KCNQ1: variants seen among roughly 807,000 people sequenced by gnomAD.
The protein encoded by KCNQ1 is potassium voltage-gated channel subfamily KQT member 1.
In KCNQ1, 49 loss-of-function variants were observed where a neutral mutation model predicts 72.4. That is an observed-to-expected ratio of 0.68 (90% CI 0.54 to 0.86). The LOEUF is 0.86. Ranked by LOEUF, KCNQ1 falls within the 40% of genes least tolerant of loss-of-function variation. The pLI is 0.00. For synonymous variants in KCNQ1, 450 were observed against 412.6 expected, an observed-to-expected ratio of 1.09 and a Z score of -1.10; for missense variants, 790 against 945.1, an observed-to-expected ratio of 0.84 and a Z score of 2.15.
chr11:2,661,315 G>C lies in KCNQ1; in HGVS notation c.1394-646G>C. ...TGATAGTGTCAACAGAGAGTGGGGA[G>C]TGATAAGGATCAGTATCCTGAGCTC... On this transcript the variant is annotated intron_variant, in intron 10 of 15. Coordinates refer to ENST00000155840, the MANE Select transcript of KCNQ1 (RefSeq NM_000218.3). This position sits in a 1 kb window ranked among gnomAD's most constrained non-coding sequence, Gnocchi z 5.9. 1 of 401,630 alleles carries C rather than the reference G, an allele frequency of 2.5e-6. No individual in the cohort carries two copies. The highest frequency in any genetic ancestry group is 4.4e-6 in the Non-Finnish European group (1 of 227,808). 24.9% of individuals were successfully genotyped at this position (401,630 alleles called of 1,614,324 possible).
chr11:2,684,641 G>A (rs1850453401), intron 11 of KCNQ1: 3 of 398,526 alleles, frequency 7.5e-6, no homozygotes, highest in Admixed American at 8.8e-5. Flanking sequence ...CTTGAAGAAG[G>A]AACAGGAAAG....
intron 15 of KCNQ1, among the ~76,000 whole-genome samples, chr11:2,823,719 G>A (rs1287566436): frequency 6.6e-6 from 1 of 152,246 alleles, no homozygotes; most frequent in Non-Finnish European, 1.5e-5. Flanking sequence ...GGGAGGTGTT[G>A]TTAGAGAAGA....
At chr11:2,756,135 AT>A (rs1330681184) in intron 11 of KCNQ1, among the ~76,000 whole-genome samples, 2 of 152,212 alleles carry the variant, frequency 1.3e-5, no homozygotes, top group Non-Finnish European at 2.9e-5. Flanking sequence ...AAGGTGGTGA[AT>A]TCACATACCT....
rs535770004 is a variant in KCNQ1 at position 2,565,721 on chromosome 11, C to T, written c.478-4907C>T. Reference sequence around the variant, plus strand: ...AAGCATACAGTCGAACGAGTGGGTCCGATGTGGAGTGCAGTGGCATCAGCC... The same window carrying T: ...AAGCATACAGTCGAACGAGTGGGTCTGATGTGGAGTGCAGTGGCATCAGCC... On this transcript the variant is annotated intron_variant, in intron 2 of 15. Coordinates refer to ENST00000155840, the MANE Select transcript of KCNQ1 (RefSeq NM_000218.3). The surrounding 1 kb of genome is among the most constrained non-coding windows in gnomAD (Gnocchi z 5.6). 1.9e-4 allele frequency among the ~76,000 whole-genome samples: 29 copies of T among 152,288 alleles called. No homozygotes were observed. The South Asian group carries it at 4.2e-3, about 22-fold the overall frequency.
rs573385961 is a variant in KCNQ1, at chr11:2,516,844, A to C, written c.387-11084A>C. Among the ~76,000 whole-genome samples, 1 of 152,142 alleles carries C rather than the reference A, an allele frequency of 6.6e-6. No individual in the cohort carries two copies. Among genetic ancestry groups the C allele is most frequent in the African/African-American group, 2.4e-5 (1 of 41,510 alleles). ...CTGGGCTCTTCTGGTGGGGAGGGAC[A>C]TTGTTCTGGCCCCTCCTGATCTCTC... On this transcript the variant is annotated intron_variant, in intron 1 of 15. Transcript: ENST00000155840. This position sits in a 1 kb window ranked among gnomAD's most constrained non-coding sequence, Gnocchi z 7.0.
At chr11:2,519,942 A>G (rs72847656) in intron 1 of KCNQ1, among the ~76,000 whole-genome samples, 8,707 of 152,264 alleles carry the variant, frequency 0.057, 332 homozygotes, top group Non-Finnish European at 0.083. Context: ...AGATTCAACA[A>G]AGGAGGATCC....
chr11:2,615,690 A>G lies in KCNQ1; in HGVS notation c.1393+26836A>G, dbSNP rs947664798. On this transcript the variant is annotated intron_variant, in intron 10 of 15. Transcript: ENST00000155840. ...TTAATGTGGTGTATTACATTGATTG[A>G]TACTCTTGTACTGAACCACCCTTGT... 37 of 398,064 alleles carry G rather than the reference A, an allele frequency of 9.3e-5. No homozygotes were observed. In the East Asian group the frequency reaches 1.3e-3, roughly 13 times the overall value. 24.7% of individuals were successfully genotyped at this position (398,064 alleles called of 1,614,324 possible).
chr11:2,721,317 G>A (rs1204306116), intron 11 of KCNQ1, among the ~76,000 whole-genome samples: 3 of 152,180 alleles, frequency 2.0e-5, no homozygotes, highest in Non-Finnish European at 4.4e-5. Context: ...GCTCGTGAGG[G>A]ACCCCCGGGC....
Position 2,475,998 on chromosome 11 carries a change from A to C in KCNQ1, c.386+30514A>C, listed in dbSNP as rs1396893714. Among the ~76,000 whole-genome samples the C allele has an allele frequency of 1.3e-5, 2 of 152,268 alleles. No individual in the cohort carries two copies. The highest frequency in any genetic ancestry group is 2.4e-5 in the African/African-American group (1 of 41,478). ...TTATCAGCAGTGTGAAAACGGACTA[A>C]TACTGACAATAAATTAAAAACTATT... On this transcript the variant is annotated intron_variant, in intron 1 of 15. Transcript: ENST00000155840. This position sits in a 1 kb window ranked among gnomAD's most constrained non-coding sequence, Gnocchi z 5.8.
chr11:2,724,599 C>T lies in KCNQ1; in HGVS notation c.1515-44245C>T, dbSNP rs1845725638. On this transcript the variant is annotated intron_variant, in intron 11 of 15. Coordinates refer to ENST00000155840, the MANE Select transcript of KCNQ1 (RefSeq NM_000218.3). This position sits in a 1 kb window ranked among gnomAD's most constrained non-coding sequence, Gnocchi z 6.8. ...CTAGGAACCCCTTCCCGCGGAAACA[C>T]AGCTTCTCCCCTTGGGTGCCATTGC... 6.6e-6 allele frequency among the ~76,000 whole-genome samples: 1 copy of T among 152,208 alleles called. No individual in the cohort carries two copies. Among genetic ancestry groups the T allele is most frequent in the Non-Finnish European group, 1.5e-5 (1 of 68,030 alleles).
rs913651211 is a variant in KCNQ1 at position 2,541,496 on chromosome 11, G to T, written c.477+13478G>T. On this transcript the variant is annotated intron_variant, in intron 2 of 15. Coordinates refer to ENST00000155840, the MANE Select transcript of KCNQ1 (RefSeq NM_000218.3). This position sits in a 1 kb window ranked among gnomAD's most constrained non-coding sequence, Gnocchi z 4.8. The stretch of plus-strand genomic sequence containing the variant: ...GGACTGAGCTGGGCCCTTTTCGTTG[G>T]TTAGTTCTCAGTGTGGCCTACCCAG... Among the ~76,000 whole-genome samples, 1 of 152,032 alleles carries T rather than the reference G, an allele frequency of 6.6e-6. No homozygotes were observed. Among genetic ancestry groups the T allele is most frequent in the Non-Finnish European group, 1.5e-5 (1 of 68,010 alleles).
In KCNQ1 at chr11:2,745,230, T is replaced by C. The variant is rs1846118715; in HGVS notation, c.1515-23614T>C. 6.6e-6 allele frequency among the ~76,000 whole-genome samples: 1 copy of C among 152,194 alleles called. No homozygotes were observed. Among genetic ancestry groups the C allele is most frequent in the Non-Finnish European group, 1.5e-5 (1 of 68,040 alleles). On this transcript the variant is annotated intron_variant, in intron 11 of 15. Coordinates refer to ENST00000155840, the MANE Select transcript of KCNQ1 (RefSeq NM_000218.3). This position sits in a 1 kb window ranked among gnomAD's most constrained non-coding sequence, Gnocchi z 6.2. Reference sequence around the variant, plus strand: ...ATTGCCTCGAATTTGCAGGTTAAATTTGGGAAAAACTGGAGTCTCTCTCAT... The same window carrying C: ...ATTGCCTCGAATTTGCAGGTTAAATCTGGGAAAAACTGGAGTCTCTCTCAT...
Position 2,621,681 on chromosome 11 carries a change from T to C in KCNQ1, c.1393+32827T>C, listed in dbSNP as rs1849174950. 2.5e-6 allele frequency: 1 copy of C among 398,408 alleles called. No homozygotes were observed. Among genetic ancestry groups the C allele is most frequent in the Admixed American group, 4.4e-5 (1 of 22,716 alleles). The allele number at this position is 398,408 out of a possible 1,614,324, so 24.7% of individuals were successfully genotyped here. On this transcript the variant is annotated intron_variant, in intron 10 of 15. Coordinates refer to ENST00000155840, the MANE Select transcript of KCNQ1 (RefSeq NM_000218.3). This position sits in a 1 kb window ranked among gnomAD's most constrained non-coding sequence, Gnocchi z 5.7. ...CAATTTGTTGGGATATAATTGTTCATAAAAGTCCCTTATGATCCTTTTTAT... is the reference window on the plus strand; with the variant it reads ...CAATTTGTTGGGATATAATTGTTCACAAAAGTCCCTTATGATCCTTTTTAT...
At position 2,785,727 on chromosome 11, in the gene KCNQ1, T is replaced by C. The variant is rs1429672594; in HGVS notation, c.1794+7690T>C. Among the ~76,000 whole-genome samples the C allele has an allele frequency of 6.6e-6, 1 of 152,010 alleles. No individual in the cohort carries two copies. Among genetic ancestry groups the C allele is most frequent in the Non-Finnish European group, 1.5e-5 (1 of 67,866 alleles). On this transcript the variant is annotated intron_variant, in intron 15 of 15. Transcript: ENST00000155840. This position sits in a 1 kb window ranked among gnomAD's most constrained non-coding sequence, Gnocchi z 4.4. ...ATCTGTAATATTTATTTTTCTCCTC[T>C]TTCTTGCCTCTCATTAGATTATTAC... is the stretch of plus-strand genomic sequence containing the variant.
rs540312041 is a variant in KCNQ1 at position 2,699,919 on chromosome 11, G to T, written c.1514+37838G>T. 1.5e-5 allele frequency: 6 copies of T among 398,454 alleles called. No homozygotes were observed. In the South Asian group the frequency reaches 6.4e-4, roughly 42 times the overall value. 24.7% of individuals were successfully genotyped at this position (398,454 alleles called of 1,614,324 possible). On this transcript the variant is annotated intron_variant, in intron 11 of 15. Transcript: ENST00000155840. ...CTGAGAGGCACCCCGGCAGAATCGC[G>T]CTGAGGGGCGCCCTGGCAGGATCTT...
intron 10 of KCNQ1, chr11:2,616,628 G>C: frequency 2.5e-6 from 1 of 398,022 alleles, no homozygotes; most frequent in East Asian, 3.6e-5. Flanking sequence ...TTTCCCTTCT[G>C]ATGTCTTCTT....
At chr11:2,523,753 T>TTTTTG (rs1212898807) in intron 1 of KCNQ1, among the ~76,000 whole-genome samples, 11 of 143,494 alleles carry the variant, frequency 7.7e-5, no homozygotes, top group Non-Finnish European at 7.5e-5. Flanking sequence ...AGTTTACAGT[T>TTTTTG]TTTTTTTTTT....
Position 2,703,067 on chromosome 11 carries a change from C to T in KCNQ1, c.1514+40986C>T, listed in dbSNP as rs191162651. 1.9e-3 allele frequency among the ~76,000 whole-genome samples: 292 copies of T among 152,262 alleles called. 1 individual carries two copies. The highest frequency in any genetic ancestry group is 0.018 in the Admixed American group (278 of 15,302). On this transcript the variant is annotated intron_variant, in intron 11 of 15. Coordinates refer to ENST00000155840, the MANE Select transcript of KCNQ1 (RefSeq NM_000218.3). The surrounding 1 kb of genome is among the most constrained non-coding windows in gnomAD (Gnocchi z 6.4). ...GACACGTGGGAATTGGCTAGAGAAGCATGTGAGGCTGGGCGGACTCCAGGC... is the reference window on the plus strand; with the variant it reads ...GACACGTGGGAATTGGCTAGAGAAGTATGTGAGGCTGGGCGGACTCCAGGC...
chr11:2,488,821 A>T lies in KCNQ1; in HGVS notation c.387-39107A>T, dbSNP rs1321695467. Among the ~76,000 whole-genome samples, 1 of 152,006 alleles carries T rather than the reference A, an allele frequency of 6.6e-6. No homozygotes were observed. The highest frequency in any genetic ancestry group is 2.4e-5 in the African/African-American group (1 of 41,404). ...ACTTTGATTTAATTGATTTTTCTCTATTGTTTTTCTATTCTCTATTTTGTT... is the reference window on the plus strand; with the variant it reads ...ACTTTGATTTAATTGATTTTTCTCTTTTGTTTTTCTATTCTCTATTTTGTT... On this transcript the variant is annotated intron_variant, in intron 1 of 15. Coordinates refer to ENST00000155840, the MANE Select transcript of KCNQ1 (RefSeq NM_000218.3). The surrounding 1 kb of genome is among the most constrained non-coding windows in gnomAD (Gnocchi z 5.1).
Sources: allele counts gnomAD v4.1 joint callset (sites outside exome capture counted in the v4.1 genomes callset), GRCh38; gene constraint gnomAD v4.1.1; non-coding constraint Gnocchi (gnomAD v3.1); transcripts MANE v1.5; gene names NCBI Gene and HGNC (gene_info 2026-07-23, HGNC 2026-07-21).